The following SLC35D4 variants were observed in gnomAD, a reference collection of about 807,000 sequenced individuals.
SLC35D4 encodes the protein solute carrier family 35 member D4.
chr18:23,379,248 C>A, the SLC35D4 span, among the ~76,000 whole-genome samples: 2 of 152,026 alleles, frequency 1.3e-5, no homozygotes, highest in Non-Finnish European at 2.9e-5. Context: ...CTCAGCCTCC[C>A]AAGTAGCTGG....
chr18:23,406,567 A>C, the SLC35D4 span, among the ~76,000 whole-genome samples: 1 of 152,206 alleles, frequency 6.6e-6, no homozygotes, highest in African/African-American at 2.4e-5. Context: ...AGTCAACCAA[A>C]CAACTGGTTA....
the SLC35D4 span, among the ~76,000 whole-genome samples, chr18:23,428,666 T>C: frequency 2.6e-5 from 4 of 151,460 alleles, no homozygotes; most frequent in Admixed American, 6.6e-5. Flanking sequence ...TACAGGTTCA[T>C]GTCACCATGC....
the SLC35D4 span, among the ~76,000 whole-genome samples, chr18:23,429,484 C>T: frequency 6.6e-6 from 1 of 152,176 alleles, no homozygotes; most frequent in Admixed American, 6.5e-5. Context: ...AGCCATTCTC[C>T]TGCCTCAGCA....
chr18:23,240,765 C>T, the SLC35D4 span, among the ~76,000 whole-genome samples: 23 of 152,368 alleles, frequency 1.5e-4, no homozygotes, highest in Non-Finnish European at 5.9e-5. Context: ...GAGGCGCCCA[C>T]CTGAAATCCT....
At chr18:23,400,295 C>T in the SLC35D4 span, among the ~76,000 whole-genome samples, 71 of 152,286 alleles carry the variant, frequency 4.7e-4, no homozygotes, top group South Asian at 6.2e-4. Context: ...GTGCATATCA[C>T]TGAGGTTGCA....
At chr18:23,269,137 G>A in the SLC35D4 span, among the ~76,000 whole-genome samples, 2 of 152,320 alleles carry the variant, frequency 1.3e-5, no homozygotes, top group African/African-American at 2.4e-5. Context: ...TCCACAGATG[G>A]TGATATGGTT....
the SLC35D4 span, among the ~76,000 whole-genome samples, chr18:23,329,798 A>G: frequency 6.6e-6 from 1 of 152,248 alleles, no homozygotes; most frequent in African/African-American, 2.4e-5. Flanking sequence ...AAAGACTTGG[A>G]ACTAACCCCA....
the SLC35D4 span, among the ~76,000 whole-genome samples, chr18:23,417,342 A>G: frequency 6.6e-6 from 1 of 152,226 alleles, no homozygotes; most frequent in Non-Finnish European, 1.5e-5. Context: ...CAGCCTCCAC[A>G]AGGAATGAAA....
the SLC35D4 span, among the ~76,000 whole-genome samples, chr18:23,285,663 T>A: frequency 6.6e-6 from 1 of 151,860 alleles, no homozygotes; most frequent in South Asian, 2.1e-4. Flanking sequence ...CGTCGCTGAG[T>A]CTTTCTAATC....
chr18:23,340,084 G>A, the SLC35D4 span, among the ~76,000 whole-genome samples: 5 of 152,116 alleles, frequency 3.3e-5, no homozygotes. Flanking sequence ...CTCCGTGCAT[G>A]CCTCTCTCCT....
the SLC35D4 span, among the ~76,000 whole-genome samples, chr18:23,432,859 G>A: frequency 6.6e-6 from 1 of 150,744 alleles, no homozygotes; most frequent in South Asian, 2.1e-4. Context: ...TGCAAGCTGT[G>A]CTCCCAGCTA....
chr18:23,306,832 T>C, the SLC35D4 span, among the ~76,000 whole-genome samples: 2,621 of 152,320 alleles, frequency 0.017, 69 homozygotes, highest in African/African-American at 0.059. Context: ...CTTCTTTTCC[T>C]TTTTAAAACA....
chr18:23,340,021 T>C, the SLC35D4 span, among the ~76,000 whole-genome samples: 1,054 of 152,138 alleles, frequency 6.9e-3, 6 homozygotes, highest in Non-Finnish European at 0.011. Flanking sequence ...CTTTCCTTTT[T>C]CCCCCTGAAA....
chr18:23,397,446 C>T, the SLC35D4 span, among the ~76,000 whole-genome samples: 1 of 152,098 alleles, frequency 6.6e-6, no homozygotes, highest in African/African-American at 2.4e-5. Flanking sequence ...CTCATTGTTG[C>T]TATAGGGGTG....
At chr18:23,251,126 ATTTC>A in the SLC35D4 span, among the ~76,000 whole-genome samples, 1 of 152,116 alleles carries the variant, frequency 6.6e-6, no homozygotes, top group Non-Finnish European at 1.5e-5. Context: ...AAAATCTGTC[ATTTC>A]TTCTTTCCTG....
the SLC35D4 span, among the ~76,000 whole-genome samples, chr18:23,420,376 A>G: frequency 2.6e-5 from 4 of 152,004 alleles, no homozygotes; most frequent in Non-Finnish European, 4.4e-5. Context: ...ACTTTTCTAT[A>G]GGTAGGAATT....
chr18:23,322,301 T>C, the SLC35D4 span, among the ~76,000 whole-genome samples: 1 of 152,114 alleles, frequency 6.6e-6, no homozygotes, highest in Non-Finnish European at 1.5e-5. Context: ...CCAGCCAGGG[T>C]TGAGTGTTTT....
chr18:23,434,945 G>T, the SLC35D4 span, among the ~76,000 whole-genome samples: 4 of 152,046 alleles, frequency 2.6e-5, no homozygotes, highest in East Asian at 7.8e-4. Flanking sequence ...ATCACCTGAG[G>T]TCAGGAGTTC....
the SLC35D4 span, chr18:23,371,296 G>C: frequency 1.5e-6 from 1 of 685,998 alleles, no homozygotes; most frequent in Non-Finnish European, 2.3e-6. Flanking sequence ...GGTTTCTCAA[G>C]GTTGCCCAGG....
Sources: gnomAD v4.1 joint callset for allele counts (sites outside exome capture counted in the v4.1 genomes callset) on GRCh38, gnomAD v4.1.1 for gene constraint, MANE v1.5 for transcripts, NCBI Gene and HGNC (gene_info 2026-07-23, HGNC 2026-07-21) for gene names.